Variants in MROH2B observed in about 807,000 individuals in gnomAD.
The protein encoded by MROH2B is maestro heat-like repeat-containing protein family member 2B.
MROH2B carries 177 observed loss-of-function variants against 208.6 expected under a neutral mutation model. That is an observed-to-expected ratio of 0.85 (90% CI 0.75 to 0.96). MROH2B has a LOEUF of 0.96. Among genes scored for constraint, MROH2B ranks in the 40% least tolerant of loss-of-function variants. The pLI is 0.00. For missense variants in MROH2B, 2,002 were observed against 1,878.7 expected, an observed-to-expected ratio of 1.07 and a Z score of -1.21; for synonymous variants, 728 against 659.0, an observed-to-expected ratio of 1.10 and a Z score of -1.60.
chr5:41,015,267 G>T, intron 29 of MROH2B, 114 bp downstream of exon 29: 1 of 844,300 alleles, frequency 1.2e-6, no homozygotes, highest in South Asian at 1.8e-5. Flanking sequence ...ACAGGACCAC[G>T]GGTCCCTCAT....
rs1411610424 is a variant in MROH2B at position 41,000,488 on chromosome 5, T to A, written c.4351-137A>T. On this transcript the variant is annotated intron_variant, in intron 38 of 41. Transcript: ENST00000399564. ...TGGCTTTATAGTCATTGCTGGCACC[T>A]TCCCAGTTTCAAGGAAGAGTAAGCT... The A allele has an allele frequency of 1.1e-5, 15 of 1,347,294 alleles. No individual in the cohort carries two copies. The Admixed American group carries it at 4.2e-4, about 38-fold the overall frequency. 83.5% of individuals were successfully genotyped at this position (1,347,294 alleles called of 1,614,324 possible).
intron 35 of MROH2B, chr5:41,005,238 G>C (rs921655383): frequency 1.9e-6 from 1 of 522,508 alleles, no homozygotes. Context: ...CTTCAGGCCG[G>C]AATTTGAAGC....
At chr5:41,014,116 T>C (rs1741860907) in intron 29 of MROH2B, among the ~76,000 whole-genome samples, 1 of 152,208 alleles carries the variant, frequency 6.6e-6, no homozygotes, top group South Asian at 2.1e-4. Context: ...TTCACTTCTC[T>C]CTGTGAGTGT....
chr5:41,019,176 G>A lies in MROH2B; in HGVS notation c.2442-158C>T, dbSNP rs188632664. ...TGAGAAAGGTGGTGACAGGAGTAGG[G>A]AGAGATGGGAACACAGAATCAGACT... On this transcript the variant is annotated intron_variant, in intron 24 of 41. Transcript: ENST00000399564. Among the ~76,000 whole-genome samples, 289 of 152,316 alleles carry A rather than the reference G, an allele frequency of 1.9e-3. 3 individuals carry two copies. Among genetic ancestry groups the A allele is most frequent in the Non-Finnish European group, 3.2e-4 (22 of 68,030 alleles).
chr5:41,014,284 G>A (rs749121141), intron 29 of MROH2B, among the ~76,000 whole-genome samples: 2 of 152,100 alleles, frequency 1.3e-5, no homozygotes, highest in Non-Finnish European at 2.9e-5. Context: ...ATGTGTGGTG[G>A]CCTGACTCTT....
intron 24 of MROH2B, among the ~76,000 whole-genome samples, 177 bp from the exon 25 acceptor site, chr5:41,019,195 T>A (rs1742061594): frequency 6.6e-6 from 1 of 152,156 alleles, no homozygotes; most frequent in South Asian, 2.1e-4. Flanking sequence ...GAACACAGAA[T>A]CAGACTGCAT....
intron 37 of MROH2B, 145 bp downstream of exon 37, chr5:41,004,201 G>T: frequency 1.2e-6 from 1 of 849,130 alleles, no homozygotes; most frequent in Non-Finnish European, 1.8e-6. Context: ...CCAACAGCTT[G>T]TATAGAGATT....
In MROH2B at chr5:41,069,719, A is replaced by G. The variant is rs1229085483; in HGVS notation, c.62T>C (p.Met21Thr). The G allele has an allele frequency of 6.2e-7, 1 of 1,607,856 alleles. No individual in the cohort carries two copies. The highest frequency in any genetic ancestry group is 8.5e-7 in the Non-Finnish European group (1 of 1,176,528). Reference sequence around the variant, plus strand: ...GTTAACAATATCTTCCTTGTTCAGCATGCCAAGAGTGAGGTTAATATCCCC... The same window carrying G: ...GTTAACAATATCTTCCTTGTTCAGCGTGCCAAGAGTGAGGTTAATATCCCC... ...MFGDINLTLG[M>T]LNKEDIVNKE... Residue 21 changes from methionine to threonine, a missense_variant, in exon 2 of 42, where the codon ATG becomes ACG. Physicochemically the swap from Met to Thr is moderately conservative, Grantham distance 81 (BLOSUM62 -1). Coordinates refer to ENST00000399564, the MANE Select transcript of MROH2B (RefSeq NM_173489.5).
intron 22 of MROH2B, 39 bp from the exon 23 acceptor site, chr5:41,033,199 G>C (rs1742635459): frequency 1.9e-6 from 3 of 1,607,516 alleles, no homozygotes; most frequent in Non-Finnish European, 2.5e-6. Flanking sequence ...CAAGGTCTAA[G>C]ACACCACACT....
chr5:41,046,484 A>G (rs1470391491), intron 17 of MROH2B, among the ~76,000 whole-genome samples: 1 of 151,822 alleles, frequency 6.6e-6, no homozygotes, highest in Non-Finnish European at 1.5e-5. Context: ...TATATATATT[A>G]TCTCTCCTAT....
intron 24 of MROH2B, among the ~76,000 whole-genome samples, chr5:41,029,761 G>A (rs932043834): frequency 2.0e-5 from 3 of 151,900 alleles, no homozygotes; most frequent in Admixed American, 1.3e-4. Flanking sequence ...ATAGACAAAT[G>A]GACTACTTAA....
At chr5:41,069,340 G>T (rs535004401) in intron 2 of MROH2B, among the ~76,000 whole-genome samples, 1 of 152,270 alleles carries the variant, frequency 6.6e-6, no homozygotes, top group Non-Finnish European at 1.5e-5. Context: ...TTATAGATGA[G>T]CAGGGAAGAG....
rs568084261 is a variant in MROH2B, at chr5:41,006,624, G to GTA, written c.3749+688_3749+689dup. Among the ~76,000 whole-genome samples, 583 of 152,230 alleles carry GTA rather than the reference G, an allele frequency of 3.8e-3. 3 individuals are homozygous for GTA. The highest frequency in any genetic ancestry group is 6.5e-3 in the Admixed American group (99 of 15,294). ...TCAATGAGTGGATAAAGAAAATGTGGTATATATATACCATGGAATACTACT... is the reference window on the plus strand; with the variant it reads ...TCAATGAGTGGATAAAGAAAATGTGGTATATATATATACCATGGAATACTACT... On this transcript the variant is annotated intron_variant, in intron 34 of 41. Transcript: ENST00000399564.
At chr5:41,066,402 A>G (rs1436365338) in intron 3 of MROH2B, among the ~76,000 whole-genome samples, 2 of 152,196 alleles carry the variant, frequency 1.3e-5, no homozygotes, top group Non-Finnish European at 2.9e-5. Context: ...TGATCTAGAG[A>G]GATAAGCCCT....
In MROH2B at chr5:41,064,508, C is replaced by G; in HGVS notation, c.424G>C (p.Ala142Pro). The change falls in exon 5 of 42, where the codon GCC (alanine) becomes CCC (proline). Residue 142 changes from alanine (A) to proline (P), a missense_variant. Physicochemically the swap from Ala to Pro is conservative, Grantham distance 27. Transcript: ENST00000399564. ...LLTMQTMLRL[A>P]EDERMKGTFC... is the part of the protein sequence containing the mutation. ...GTCCCCTTCATCCTTTCATCCTCGG[C>G]CAGCCTGAGCATGGTTTGCATGGTG... is the stretch of plus-strand genomic sequence containing the variant. 2 of 1,613,294 alleles carry G rather than the reference C, an allele frequency of 1.2e-6. No individual in the cohort carries two copies. The highest frequency in any genetic ancestry group is 1.7e-6 in the Non-Finnish European group (2 of 1,179,544).
intron 21 of MROH2B, 147 bp from the exon 22 acceptor site, chr5:41,034,011 G>A (rs1742671509): frequency 7.7e-7 from 1 of 1,301,614 alleles, no homozygotes; most frequent in Non-Finnish European, 9.9e-7. Flanking sequence ...GCCAAGGGGA[G>A]GGGGGCAATT....
At position 41,007,418 on chromosome 5, in the gene MROH2B, T is replaced by C; in HGVS notation, c.3645A>G (p.Gln1215=). 1 of 1,577,542 alleles carries C rather than the reference T, an allele frequency of 6.3e-7. No individual in the cohort carries two copies. Among genetic ancestry groups the C allele is most frequent in the Non-Finnish European group, 8.6e-7 (1 of 1,161,152 alleles). ...STATLKCLQA[Q]AMREGLAKES... is the part of the protein sequence containing the mutation. ...CCTTTGCAAGGCCTTCTCTCATGGC[T>C]TGGGCTTGCAAACATTTTAAAGTAG... Residue 1215 remains glutamine (Q), a synonymous_variant, in exon 34 of 42, where the codon CAA becomes CAG. Transcript: ENST00000399564.
At chr5:41,063,595 G>A (rs1743706312) in intron 5 of MROH2B, among the ~76,000 whole-genome samples, 1 of 152,214 alleles carries the variant, frequency 6.6e-6, no homozygotes, top group South Asian at 2.1e-4. Context: ...TGGAATGGAA[G>A]AGCCTTTGTT....
At position 41,070,876 on chromosome 5, in the gene MROH2B, A is replaced by C. The variant is rs765698376; in HGVS notation, c.-24T>G. The C allele has an allele frequency of 6.2e-7, 1 of 1,608,378 alleles. No individual in the cohort carries two copies. Among genetic ancestry groups the C allele is most frequent in the Non-Finnish European group, 8.5e-7 (1 of 1,177,062 alleles). On this transcript the variant is annotated 5_prime_UTR_variant, in exon 1 of 42. An upstream open reading frame in the 5' UTR gains an earlier in-frame stop. Transcript: ENST00000399564. ...ATGTCTTGGCTGTTTCAGGGTCTCT[A>C]AAAGATAGCACCTAAGTATTAGAAA...
Sources: gnomAD v4.1 joint callset for allele counts (sites outside exome capture counted in the v4.1 genomes callset) on GRCh38, gnomAD v4.1.1 for gene constraint, MANE v1.5 for transcripts, NCBI Gene and HGNC (gene_info 2026-07-23, HGNC 2026-07-21) for gene names.